MTG1: variants seen among roughly 807,000 people sequenced by gnomAD.
The protein encoded by MTG1 is mitochondrial ribosome associated GTPase 1, also known as mitochondrial ribosome-associated GTPase 1.
Under a neutral mutation model 39.5 loss-of-function variants are expected in MTG1, and 30 were observed. That is an observed-to-expected ratio of 0.76 (90% confidence interval 0.57 to 1.03). MTG1 has a LOEUF of 1.03. MTG1 is among the 50% of genes least tolerant of loss of function. The probability of loss-of-function intolerance (pLI) is 0.00; values close to 1 mark genes in which losing one functional copy is unlikely to be tolerated. For synonymous variants in MTG1, 217 were observed against 179.0 expected (o/e 1.21, Z -1.69); for missense variants, 513 against 447.4 (o/e 1.15, Z -1.32).
In MTG1 at chr10:133,401,542, G is replaced by C. The variant is rs552657091; in HGVS notation, c.525G>C (p.Arg175Ser). 20 of 1,587,392 alleles carry C rather than the reference G, an allele frequency of 1.3e-5. No homozygotes were observed. In the Admixed American group the frequency reaches 3.5e-4, roughly 28 times the overall value. Reference sequence around the variant, plus strand: ...CTTTTCCTACAGGGAAAGCCACCAGGGTGGGTGGCGAGCCTGGGATCACCA... The same window carrying C: ...CTTTTCCTACAGGGAAAGCCACCAGCGTGGGTGGCGAGCCTGGGATCACCA... ...RQHLRKGKAT[R>S]VGGEPGITRA... Residue 175 changes from arginine (R) to serine (S), a missense_variant, in exon 7 of 11, where the codon AGG becomes AGC. By Grantham distance (110) the Arg-to-Ser change is moderately radical (BLOSUM62 -1). Coordinates refer to ENST00000317502, the MANE Select transcript of MTG1 (RefSeq NM_138384.4).
chr10:133,419,358 C>G (rs1365701145), intron 9 of MTG1, 122 bp from the exon 10 acceptor site: 1 of 719,606 alleles, frequency 1.4e-6, no homozygotes, highest in East Asian at 2.8e-5. Flanking sequence ...GCCGCAGTCA[C>G]TGTCACCCAC....
intron 6 of MTG1, chr10:133,401,323 G>A: frequency 2.0e-6 from 1 of 492,466 alleles, no homozygotes; most frequent in Non-Finnish European, 3.6e-6. Context: ...ACAAATTATA[G>A]CCTTGGGAAG....
At position 133,402,688 on chromosome 10, in the gene MTG1, A is replaced by G. The variant is rs973769066; in HGVS notation, c.671-4A>G. 4 of 1,601,730 alleles carry G rather than the reference A, an allele frequency of 2.5e-6. No homozygotes were observed. Among genetic ancestry groups the G allele is most frequent in the South Asian group, 1.1e-5 (1 of 88,446 alleles). ...AGTGCTCACCTCGGCTGCTGCTTCC[A>G]CAGGAACGGTGCTGGACCACCTGGT... is the stretch of plus-strand genomic sequence containing the variant. On this transcript the variant is annotated splice_region_variant and splice_polypyrimidine_tract_variant and intron_variant, in intron 8 of 10. Transcript: ENST00000317502. The surrounding 1 kb of genome is among the most constrained non-coding windows in gnomAD (Gnocchi z 4.7).
Position 133,402,856 on chromosome 10 carries a change from C to A in MTG1, c.752+83C>A. 9.3e-7 allele frequency: 1 copy of A among 1,079,102 alleles called. No homozygotes were observed. Among genetic ancestry groups the A allele is most frequent in the Non-Finnish European group, 1.3e-6 (1 of 749,392 alleles). 66.8% of individuals were successfully genotyped at this position (1,079,102 alleles called of 1,614,324 possible). ...AAAAAAAAACAAACAAAAAAACCCC[C>A]AGCATTATAAAGGTATTATAAACAC... On this transcript the variant is annotated intron_variant, in intron 9 of 10. Coordinates refer to ENST00000317502, the MANE Select transcript of MTG1 (RefSeq NM_138384.4). The surrounding 1 kb of genome is among the most constrained non-coding windows in gnomAD (Gnocchi z 4.7).
intron 9 of MTG1, among the ~76,000 whole-genome samples, chr10:133,407,000 A>C (rs987689600): frequency 6.6e-6 from 1 of 151,070 alleles, no homozygotes; most frequent in African/African-American, 2.4e-5. Context: ...GATGGGGTCT[A>C]GTTTCATTCT....
In MTG1 at chr10:133,415,596, CTG is replaced by C. The variant is rs549661981; in HGVS notation, c.753-3881_753-3880del. Among the ~76,000 whole-genome samples the C allele has an allele frequency of 2.1e-3, 318 of 152,276 alleles. 2 individuals are homozygous for C. The highest frequency in any genetic ancestry group is 7.2e-3 in the African/African-American group (301 of 41,544). On this transcript the variant is annotated intron_variant, in intron 9 of 10. Transcript: ENST00000317502. The stretch of plus-strand genomic sequence containing the variant: ...ACCTGCGTGGTGTCTGATGAGCCGT[CTG>C]TGGTCGTGTGTGTTTGTTCCTCTGC...
chr10:133,411,997 T>C (rs1233315137), intron 9 of MTG1, among the ~76,000 whole-genome samples: 5 of 152,208 alleles, frequency 3.3e-5, no homozygotes, highest in African/African-American at 4.8e-5. Flanking sequence ...CGTTAGCTGT[T>C]GTTTCTTGTG....
rs1233113184 is a variant in MTG1, at chr10:133,394,466, C to T, written c.112+134C>T. ...GCCCCGCCCCTCCTCCCTTGTCTCC[C>T]CTCCTTCCCCGCTCTCACCCGCTCC... On this transcript the variant is annotated intron_variant, in intron 1 of 10. Transcript: ENST00000317502. 9 of 1,328,606 alleles carry T rather than the reference C, an allele frequency of 6.8e-6. No homozygotes were observed. The East Asian group carries it at 1.6e-4, about 23-fold the overall frequency. 82.3% of individuals were successfully genotyped at this position (1,328,606 alleles called of 1,614,324 possible). A position where few individuals can be genotyped will look rare whatever the true frequency, so the allele number is the denominator to read the frequency against.
intron 1 of MTG1, 104 bp downstream of exon 1, chr10:133,394,436 G>T: frequency 7.6e-7 from 1 of 1,321,604 alleles, no homozygotes; most frequent in Non-Finnish European, 9.8e-7. Context: ...GGTCGTTCTG[G>T]GCTGGCCCCG....
chr10:133,405,073 G>A (rs888925828), intron 9 of MTG1, among the ~76,000 whole-genome samples: 2 of 152,082 alleles, frequency 1.3e-5, no homozygotes, highest in African/African-American at 4.8e-5. Context: ...TCTTGAGGCC[G>A]GGTGGCAGAT....
Position 133,396,217 on chromosome 10 carries a change from C to T in MTG1, c.232C>T (p.His78Tyr). The T allele has an allele frequency of 2.5e-6, 4 of 1,614,190 alleles. No homozygotes were observed. Among genetic ancestry groups the T allele is most frequent in the African/African-American group, 1.3e-5 (1 of 75,052 alleles). The change falls in exon 3 of 11, where the codon CAC becomes TAC. Residue 78 changes from histidine to tyrosine, a missense_variant. Transcript: ENST00000317502. ...LFQETLGLKP[H>Y]LLVLNKMDLA... ...TCAGGAAACCCTTGGGCTTAAGCCTCACTTGCTGGTCCTCAACAAGATGGA... is the reference window on the plus strand; with the variant it reads ...TCAGGAAACCCTTGGGCTTAAGCCTTACTTGCTGGTCCTCAACAAGATGGA...
intron 9 of MTG1, among the ~76,000 whole-genome samples, chr10:133,409,184 C>G (rs1012573132): frequency 1.1e-4 from 17 of 152,070 alleles, no homozygotes; most frequent in African/African-American, 4.1e-4. Context: ...TTGCTATAAA[C>G]TTCCGTCTTA....
intron 5 of MTG1, 147 bp downstream of exon 5, chr10:133,399,373 C>T (rs539228821): frequency 1.3e-5 from 16 of 1,199,980 alleles, no homozygotes; most frequent in Non-Finnish European, 1.6e-5. Flanking sequence ...TGGAAAGGGC[C>T]GAGGCCGTCC....
At chr10:133,408,667 A>G (rs949413243) in intron 9 of MTG1, among the ~76,000 whole-genome samples, 12 of 152,328 alleles carry the variant, frequency 7.9e-5, no homozygotes, top group African/African-American at 2.4e-4. Flanking sequence ...CAGTGAAGCC[A>G]TCAGGACCTG....
chr10:133,402,239 C>G lies in MTG1; in HGVS notation c.664C>G (p.Leu222Val). Residue 222 changes from leucine to valine, a missense_variant, in exon 8 of 11, where the codon CTG (leucine) becomes GTG (valine). Leu to Val is a conservative substitution (Grantham distance 32). Coordinates refer to ENST00000317502, the MANE Select transcript of MTG1 (RefSeq NM_138384.4). This position sits in a 1 kb window ranked among gnomAD's most constrained non-coding sequence, Gnocchi z 4.7. ...TGTGGAGACAGGCCTGAAGCTGGCC[C>G]TGTGTGGTGAGCCGGGGCTGGGGCT... ...ESVETGLKLA[L>V]CGTVLDHLVG... 1 of 1,600,488 alleles carries G rather than the reference C, an allele frequency of 6.2e-7. No homozygotes were observed. Among genetic ancestry groups the G allele is most frequent in the Non-Finnish European group, 8.5e-7 (1 of 1,173,804 alleles).
chr10:133,395,256 A>G (rs989227503), intron 1 of MTG1, among the ~76,000 whole-genome samples: 2 of 152,124 alleles, frequency 1.3e-5, no homozygotes, highest in East Asian at 1.9e-4. Context: ...TTAGCCCGGC[A>G]TGGTGGCGCG....
Position 133,420,345 on chromosome 10 carries a change from G to C in MTG1, c.*180G>C. 1.5e-6 allele frequency: 1 copy of C among 655,206 alleles called. No homozygotes were observed. Among genetic ancestry groups the C allele is most frequent in the Non-Finnish European group, 2.4e-6 (1 of 418,672 alleles). The allele number at this position is 655,206 out of a possible 1,614,324, so 40.6% of individuals were successfully genotyped here. A position where few individuals can be genotyped will look rare whatever the true frequency, so the allele number is the denominator to read the frequency against. On this transcript the variant is annotated 3_prime_UTR_variant, in exon 11 of 11. Transcript: ENST00000317502. ...GACCCCAGTTGCAGGGCCCAAGCAG[G>C]TGGGAGTGGACACCAGGCTTCCCAG...
chr10:133,396,462 C>T (rs1011336773), intron 3 of MTG1, among the ~76,000 whole-genome samples, 195 bp downstream of exon 3: 2 of 152,162 alleles, frequency 1.3e-5, no homozygotes, highest in African/African-American at 2.4e-5. Context: ...ATGTGTGGTT[C>T]GTGACCTGGA....
At chr10:133,416,394 CTTTTTATTTT>C (rs1850133357) in intron 9 of MTG1, among the ~76,000 whole-genome samples, 1 of 148,080 alleles carries the variant, frequency 6.8e-6, no homozygotes, top group Admixed American at 6.7e-5. Context: ...ATATATTTTT[CTTTTTATTTT>C]ATTTTATTAT....
Sources: allele counts gnomAD v4.1 joint callset (sites outside exome capture counted in the v4.1 genomes callset), GRCh38; gene constraint gnomAD v4.1.1; non-coding constraint Gnocchi (gnomAD v3.1); transcripts MANE v1.5; gene names NCBI Gene and HGNC (gene_info 2026-07-23, HGNC 2026-07-21).